The following FILIP1 variants were observed in gnomAD, a reference collection of about 807,000 sequenced individuals.
The protein encoded by FILIP1 is filamin A interacting protein 1, also known as filamin-A-interacting protein 1.
In FILIP1, 61 loss-of-function variants were observed where a neutral mutation model predicts 102.1. The ratio of observed to expected loss-of-function variants is 0.60; its 90% CI spans 0.49 to 0.74. The LOEUF (loss-of-function observed/expected upper bound fraction) is 0.74. Among genes scored for constraint, FILIP1 ranks in the 30% least tolerant of loss-of-function variants. FILIP1 has a pLI of 0.00. For missense variants in FILIP1, 1,314 were observed against 1,441.2 expected (o/e 0.91, Z 1.43); for synonymous variants, 491 against 526.9 (o/e 0.93, Z 0.93).
At position 75,312,629 on chromosome 6, in the gene FILIP1, T is replaced by C; in HGVS notation, c.3203A>G (p.His1068Arg). 6.2e-7 allele frequency: 1 copy of C among 1,614,212 alleles called. No individual in the cohort carries two copies. ...NIITTEDNKIHIHLGSQFKRS... is the reference protein window; with the variant it reads ...NIITTEDNKIRIHLGSQFKRS... ...TTTAAACTGAGACCCTAAGTGAATG[T>C]GAATTTTATTGTCCTCTGTGGTTAT... is the stretch of plus-strand genomic sequence containing the variant. The change falls in exon 5 of 6, where the codon CAC (histidine) becomes CGC (arginine). Residue 1068 changes from histidine (H) to arginine (R), a missense_variant. His to Arg is a conservative substitution (Grantham distance 29, BLOSUM62 0). Coordinates refer to ENST00000237172, the MANE Select transcript of FILIP1 (RefSeq NM_015687.5).
intron 2 of FILIP1, among the ~76,000 whole-genome samples, chr6:75,372,713 GGAA>G (rs1275619258): frequency 0.053 from 1,756 of 33,080 alleles, 56 homozygotes; most frequent in East Asian, 0.065. Context: ...AAGAAAGAAA[GGAA>G]AGAAAGAGAA....
chr6:75,293,150 G>T (rs2149528930), exon 7 of FILIP1: 1 of 152,224 alleles, frequency 6.6e-6, no homozygotes, highest in South Asian at 2.1e-4. Flanking sequence ...TAAAATTATG[G>T]ATTAGTTCAA....
At chr6:75,306,041 A>G (rs1217351929), downstream of FILIP1, among the ~76,000 whole-genome samples, 1 of 152,258 alleles carries the variant, frequency 6.6e-6, no homozygotes. Flanking sequence ...GATTTGTGGT[A>G]CATTTAGTTC....
intron 4 of FILIP1, among the ~76,000 whole-genome samples, chr6:75,352,588 T>C (rs978941064): frequency 1.3e-5 from 2 of 152,186 alleles, no homozygotes; most frequent in Non-Finnish European, 2.9e-5. Flanking sequence ...TTTGTTTTTT[T>C]ACCCCAAGTT....
rs770871525 is a variant in FILIP1 at position 75,313,128 on chromosome 6, G to A, written c.2704C>T (p.Leu902Phe). 9.9e-6 allele frequency: 16 copies of A among 1,614,070 alleles called. No homozygotes were observed. The highest frequency in any genetic ancestry group is 1.4e-5 in the Non-Finnish European group (16 of 1,180,040). The change falls in exon 5 of 6, where the codon CTT (leucine) becomes TTT (phenylalanine). Residue 902 changes from leucine to phenylalanine, a missense_variant. Physicochemically the swap from Leu to Phe is conservative, Grantham distance 22. This residue lies in a region of FILIP1 where 816 missense variants were observed against 913.1 expected (regional missense o/e 0.89). Coordinates refer to ENST00000237172, the MANE Select transcript of FILIP1 (RefSeq NM_015687.5). This position sits in a 1 kb window ranked among gnomAD's most constrained non-coding sequence, Gnocchi z 4.2. Reference protein sequence around the residue: ...SSPGHPGEVVLSPKQGQPLHI... With the variant: ...SSPGHPGEVVFSPKQGQPLHI... ...AGGGGCTGGCCCTGCTTTGGTGAAA[G>A]GACTACCTCTCCTGGGTGCCCTGGA...
At chr6:75,466,660 A>T (rs1779176304) in intron 1 of FILIP1, among the ~76,000 whole-genome samples, 1 of 152,212 alleles carries the variant, frequency 6.6e-6, no homozygotes, top group South Asian at 2.1e-4. Context: ...ATTGGTATGT[A>T]GAGGACCTAG....
At chr6:75,417,611 T>C (rs1183995617) in intron 1 of FILIP1, among the ~76,000 whole-genome samples, 1 of 152,212 alleles carries the variant, frequency 6.6e-6, no homozygotes, top group Non-Finnish European at 1.5e-5. Flanking sequence ...TCTTAAGTGT[T>C]ACACAGTATA....
intron 1 of FILIP1, among the ~76,000 whole-genome samples, chr6:75,482,002 C>T (rs1251413126): frequency 6.6e-6 from 1 of 152,108 alleles, no homozygotes; most frequent in Non-Finnish European, 1.5e-5. Context: ...CCTAATCTTT[C>T]TCTCAAAAGG....
chr6:75,348,515 A>G (rs2149596257), intron 4 of FILIP1, among the ~76,000 whole-genome samples: 1 of 152,342 alleles, frequency 6.6e-6, no homozygotes, highest in East Asian at 1.9e-4. Flanking sequence ...CAGTTTGTTG[A>G]CTTAGAATAA....
intron 1 of FILIP1, among the ~76,000 whole-genome samples, chr6:75,453,289 ATGTATTGTC>A (rs1778699373): frequency 6.6e-6 from 1 of 152,154 alleles, no homozygotes; most frequent in South Asian, 2.1e-4. Context: ...AAACTACAAT[ATGTATTGTC>A]TAGACCTTTC....
intron 5 of FILIP1, among the ~76,000 whole-genome samples, chr6:75,311,402 A>T (rs958504249): frequency 1.8e-4 from 26 of 147,456 alleles, no homozygotes; most frequent in African/African-American, 4.8e-4. Flanking sequence ...CCCTGTTCCC[A>T]GGCTGGTAGA....
At chr6:75,319,695 C>T (rs1224060958) in intron 4 of FILIP1, 25 of 331,956 alleles carry the variant, frequency 7.5e-5, no homozygotes, top group Middle Eastern at 9.6e-4. Flanking sequence ...CCGGGCGTAG[C>T]GGCGGGCGCC....
At chr6:75,323,670 C>T (rs888079423) in intron 4 of FILIP1, among the ~76,000 whole-genome samples, 4 of 152,046 alleles carry the variant, frequency 2.6e-5, no homozygotes, top group African/African-American at 9.7e-5. Context: ...TCTTAAAAGC[C>T]CACCCTGCCA....
chr6:75,345,254 C>A (rs1290783903), intron 4 of FILIP1, among the ~76,000 whole-genome samples: 3 of 151,802 alleles, frequency 2.0e-5, no homozygotes, highest in African/African-American at 7.3e-5. Context: ...TCCTTTTGTA[C>A]AATTGATATA....
Position 75,308,361 on chromosome 6 carries a change from T to C in FILIP1, c.*330A>G. 9.6e-7 allele frequency: 1 copy of C among 1,038,318 alleles called. No individual in the cohort carries two copies. The allele number at this position is 1,038,318 out of a possible 1,614,324, so 64.3% of individuals were successfully genotyped here. A position where few individuals can be genotyped will look rare whatever the true frequency, so the allele number is the denominator to read the frequency against. ...CAATTAGGAAATATGGGAGCCGGAC[T>C]TGAAGAGCGTGTGATTGAGTCCCCA... On this transcript the variant is annotated 3_prime_UTR_variant, in exon 6 of 6. Transcript: ENST00000237172.
chr6:75,419,657 C>T (rs1051353724), intron 1 of FILIP1, among the ~76,000 whole-genome samples: 2 of 152,052 alleles, frequency 1.3e-5, no homozygotes, highest in African/African-American at 4.8e-5. Context: ...ATGACAATAC[C>T]CAAGGCACCC....
chr6:75,410,448 T>C (rs561798259), intron 2 of FILIP1, among the ~76,000 whole-genome samples: 122 of 152,140 alleles, frequency 8.0e-4, no homozygotes, highest in African/African-American at 2.8e-3. Context: ...TTGCAGAACA[T>C]GCGGGTTTGT....
At chr6:75,488,699 A>T (rs544244504) in intron 1 of FILIP1, among the ~76,000 whole-genome samples, 2 of 152,254 alleles carry the variant, frequency 1.3e-5, no homozygotes, top group African/African-American at 2.4e-5. Context: ...ATAAAGTAAA[A>T]TTGACAGATT....
intron 1 of FILIP1, among the ~76,000 whole-genome samples, chr6:75,476,051 G>T (rs1317151791): frequency 6.6e-6 from 1 of 152,040 alleles, no homozygotes; most frequent in Non-Finnish European, 1.5e-5. Flanking sequence ...GACCAGCCTG[G>T]CCAACATGGC....
Sources: allele counts gnomAD v4.1 joint callset (sites outside exome capture counted in the v4.1 genomes callset), GRCh38; gene constraint gnomAD v4.1.1; regional missense constraint gnomAD v4.1.1; non-coding constraint Gnocchi (gnomAD v3.1); transcripts MANE v1.5; gene names NCBI Gene and HGNC (gene_info 2026-07-23, HGNC 2026-07-21).